The following TMEM233 variants were observed in gnomAD, a reference collection of about 807,000 sequenced individuals.
TMEM233 encodes dispanin subfamily B member 2.
TMEM233 carries 6 observed loss-of-function variants against 11.2 expected under a neutral mutation model. That is an observed-to-expected ratio of 0.54 (90% CI 0.29 to 1.06). The LOEUF is 1.06. Ranked by LOEUF, TMEM233 falls within the 50% of genes least tolerant of loss-of-function variation. The pLI is 0.08. For missense variants in TMEM233, 127 were observed against 144.7 expected, an observed-to-expected ratio of 0.88 and a Z score of 0.63; for synonymous variants, 59 against 55.8, an observed-to-expected ratio of 1.06 and a Z score of -0.26.
rs10682613 is a variant in TMEM233, at chr12:119,600,387, T to TAAAA, written c.186+6364_186+6367dup. Among the ~76,000 whole-genome samples the TAAAA allele has an allele frequency of 2.9e-3, 401 of 139,960 alleles. 4 individuals are homozygous for TAAAA. The highest frequency in any genetic ancestry group is 6.8e-3 in the African/African-American group (259 of 37,842). The allele number at this position is 139,960 out of a possible 152,430, so 91.8% of individuals were successfully genotyped here. A position where few individuals can be genotyped will look rare whatever the true frequency, so the allele number is the denominator to read the frequency against. ...GGAATTAAAAAATATGTGGGTAGATTAAAAAAAAAAAAAACAGCAGAAGCT... is the reference window on the plus strand; with the variant it reads ...GGAATTAAAAAATATGTGGGTAGATTAAAAAAAAAAAAAAAAAACAGCAGAAGCT... On this transcript the variant is annotated intron_variant, in intron 1 of 2. Coordinates refer to ENST00000426426, the MANE Select transcript of TMEM233 (RefSeq NM_001136534.3).
At chr12:119,611,427 A>G (rs1273934533) in intron 1 of TMEM233, among the ~76,000 whole-genome samples, 1 of 152,164 alleles carries the variant, frequency 6.6e-6, no homozygotes, top group Non-Finnish European at 1.5e-5. Flanking sequence ...TTGACTAATG[A>G]TGTTGAGCAT....
At chr12:119,622,349 T>C (rs890313290) in intron 1 of TMEM233, among the ~76,000 whole-genome samples, 12 of 152,206 alleles carry the variant, frequency 7.9e-5, no homozygotes, top group African/African-American at 2.9e-4. Context: ...CCAAATGTTT[T>C]ACATGTTCAC....
chr12:119,628,884 C>G (rs1037359117), intron 1 of TMEM233, among the ~76,000 whole-genome samples: 1 of 152,196 alleles, frequency 6.6e-6, no homozygotes, highest in Non-Finnish European at 1.5e-5. Flanking sequence ...ACCTGCCCTA[C>G]AACAAAACTA....
chr12:119,627,864 G>C (rs1297370705), intron 1 of TMEM233, among the ~76,000 whole-genome samples: 5 of 152,174 alleles, frequency 3.3e-5, no homozygotes, highest in Non-Finnish European at 7.4e-5. Context: ...CATTGCTATG[G>C]CAACACCCAG....
the TMEM233 span, among the ~76,000 whole-genome samples, chr12:119,650,944 G>C: frequency 6.6e-6 from 1 of 152,134 alleles, no homozygotes; most frequent in African/African-American, 2.4e-5. Flanking sequence ...CTCCCGGCCT[G>C]CTTATTCGAT....
At chr12:119,619,597 T>C (rs933903306) in intron 1 of TMEM233, among the ~76,000 whole-genome samples, 1 of 150,758 alleles carries the variant, frequency 6.6e-6, no homozygotes, top group African/African-American at 2.4e-5. Flanking sequence ...GCCAAGATCA[T>C]GCCATTGCAC....
intron 1 of TMEM233, among the ~76,000 whole-genome samples, chr12:119,608,686 A>G (rs1036107408): frequency 2.0e-5 from 3 of 152,224 alleles, no homozygotes; most frequent in Non-Finnish European, 2.9e-5. Flanking sequence ...TAAAGTCAAC[A>G]TGAAGAAGCG....
At chr12:119,640,653 C>T (rs568419822) in intron 2 of TMEM233, 46 bp from the exon 3 acceptor site, 97 of 1,547,242 alleles carry the variant, frequency 6.3e-5, no homozygotes, top group Non-Finnish European at 8.3e-5. Context: ...ACCACAGAAG[C>T]TCAGCCCACG....
At chr12:119,608,246 T>G (rs1488241374) in intron 1 of TMEM233, among the ~76,000 whole-genome samples, 1 of 152,180 alleles carries the variant, frequency 6.6e-6, no homozygotes, top group Non-Finnish European at 1.5e-5. Context: ...AGAGGGCACC[T>G]GATGCTCCTG....
the TMEM233 span, among the ~76,000 whole-genome samples, chr12:119,649,806 T>C: frequency 2.2e-5 from 3 of 136,924 alleles, no homozygotes; most frequent in East Asian, 4.5e-4. Context: ...CTCTATATTC[T>C]ACAATTCTAA....
At chr12:119,615,418 C>G (rs189780622) in intron 1 of TMEM233, among the ~76,000 whole-genome samples, 1 of 152,210 alleles carries the variant, frequency 6.6e-6, no homozygotes, top group African/African-American at 2.4e-5. Flanking sequence ...TCAAGTCTAG[C>G]TGCACTCAGG....
chr12:119,602,750 C>T (rs1042543290), intron 1 of TMEM233, among the ~76,000 whole-genome samples: 7 of 152,116 alleles, frequency 4.6e-5, no homozygotes, highest in Non-Finnish European at 1.0e-4. Flanking sequence ...TCTGTGTGCT[C>T]CTAATTTTAA....
At chr12:119,651,962 A>G in the TMEM233 span, among the ~76,000 whole-genome samples, 1 of 152,156 alleles carries the variant, frequency 6.6e-6, no homozygotes, top group Non-Finnish European at 1.5e-5. Flanking sequence ...AGTCCACCTC[A>G]CTCATAAATC....
At chr12:119,630,245 AAAG>A (rs1052998034) in intron 2 of TMEM233, among the ~76,000 whole-genome samples, 4 of 152,244 alleles carry the variant, frequency 2.6e-5, no homozygotes, top group African/African-American at 7.2e-5. Flanking sequence ...ATTTATAAAA[AAAG>A]AAGGTTTGGA....
At chr12:119,599,878 A>G (rs1425053506) in intron 1 of TMEM233, among the ~76,000 whole-genome samples, 1 of 152,144 alleles carries the variant, frequency 6.6e-6, no homozygotes, top group East Asian at 1.9e-4. Flanking sequence ...CACAGCTGAG[A>G]GAAGGGTTTA....
chr12:119,636,598 G>A (rs958079441), intron 2 of TMEM233, among the ~76,000 whole-genome samples: 1 of 152,076 alleles, frequency 6.6e-6, no homozygotes. Context: ...GGATTACAGG[G>A]TTGAGCCACC....
the TMEM233 span, among the ~76,000 whole-genome samples, chr12:119,649,775 CA>C: frequency 6.1e-5 from 9 of 147,730 alleles, no homozygotes; most frequent in Admixed American, 1.4e-4. Context: ...AACACTGGCT[CA>C]GCGGGGCTTG....
downstream of TMEM233, among the ~76,000 whole-genome samples, chr12:119,644,696 C>T (rs1231652003): frequency 6.6e-6 from 1 of 151,780 alleles, no homozygotes; most frequent in Non-Finnish European, 1.5e-5. Context: ...CCAGGCTGGT[C>T]TCGAACTCCT....
intron 2 of TMEM233, among the ~76,000 whole-genome samples, chr12:119,630,701 C>T (rs12303395): frequency 3.3e-5 from 5 of 152,318 alleles, no homozygotes; most frequent in Middle Eastern, 3.4e-3. Context: ...TACTGCCTAG[C>T]GACAAATGTC....
Sources: allele counts gnomAD v4.1 joint callset (sites outside exome capture counted in the v4.1 genomes callset), GRCh38; gene constraint gnomAD v4.1.1; transcripts MANE v1.5; gene names NCBI Gene and HGNC (gene_info 2026-07-23, HGNC 2026-07-21).